Variants in LARGE1 observed in about 807,000 individuals in gnomAD.
LARGE1 encodes the protein LARGE xylosyl- and glucuronyltransferase 1, also known as xylosyl- and glucuronyltransferase LARGE1.
LARGE1 carries 43 observed loss-of-function variants against 87.6 expected under a neutral mutation model. The observed-to-expected ratio is 0.49, with a 90% confidence interval of 0.38 to 0.63. The LOEUF is 0.63. Among genes scored for constraint, LARGE1 ranks in the 30% least tolerant of loss-of-function variants. LARGE1 has a pLI of 0.00. For synonymous variants in LARGE1, 434 were observed against 394.6 expected, an observed-to-expected ratio of 1.10 and a Z score of -1.18; for missense variants, 802 against 1,000.2, an observed-to-expected ratio of 0.80 and a Z score of 2.67.
chr22:33,637,989 C>G (rs2080318494), intron 3 of LARGE1, among the ~76,000 whole-genome samples: 1 of 152,136 alleles, frequency 6.6e-6, no homozygotes, highest in Non-Finnish European at 1.5e-5. Flanking sequence ...CAGGTTCCTT[C>G]CAGCTATAAC....
intron 6 of LARGE1, among the ~76,000 whole-genome samples, chr22:33,543,585 T>G (rs2077272538): frequency 6.6e-6 from 1 of 152,232 alleles, no homozygotes; most frequent in Non-Finnish European, 1.5e-5. Context: ...GAAAACATTT[T>G]ATTTACTTAG....
downstream of LARGE1, among the ~76,000 whole-genome samples, chr22:33,270,886 A>G (rs991716538): frequency 1.1e-4 from 16 of 152,214 alleles, no homozygotes; most frequent in African/African-American, 3.9e-4. Flanking sequence ...ACATTCAGAG[A>G]GATCACTCTG....
rs772137666 is a variant in LARGE1, at chr22:33,761,398, T to C, written c.79A>G (p.Ile27Val). The change falls in exon 2 of 15, where the codon ATT (isoleucine) becomes GTT (valine). Residue 27 changes from isoleucine (I) to valine (V), a missense_variant. By Grantham distance (29) the Ile-to-Val change is conservative. Transcript: ENST00000397394. ...SLLCIPAITW[I>V]YLFSGSFEDG... ...TCGAAGCTCCCAGAAAACAGGTAAA[T>C]CCAGGTGATGGCTGGGATGCAGAGA... is the stretch of plus-strand genomic sequence containing the variant. The C allele has an allele frequency of 5.6e-6, 9 of 1,613,878 alleles. No individual in the cohort carries two copies. Among genetic ancestry groups the C allele is most frequent in the Non-Finnish European group, 7.6e-6 (9 of 1,179,996 alleles).
intron 3 of LARGE1, among the ~76,000 whole-genome samples, chr22:33,648,456 G>A (rs544157743): frequency 2.4e-4 from 37 of 152,052 alleles, no homozygotes; most frequent in Admixed American, 3.3e-4. Context: ...AAATTTGCTC[G>A]TTTTGGGCCA....
At chr22:33,479,114 C>T (rs1459839562) in intron 6 of LARGE1, among the ~76,000 whole-genome samples, 1 of 152,184 alleles carries the variant, frequency 6.6e-6, no homozygotes, top group Non-Finnish European at 1.5e-5. Context: ...TGCCAACTTC[C>T]TCTGTGGCCA....
chr22:33,855,035 C>T (rs2063717720), intron 1 of LARGE1, among the ~76,000 whole-genome samples: 1 of 152,084 alleles, frequency 6.6e-6, no homozygotes, highest in Admixed American at 6.5e-5. Flanking sequence ...GAGAAGGTGG[C>T]ATATAAAGTG....
chr22:33,174,820 T>C (rs548666237), intron 11 of LARGE1, among the ~76,000 whole-genome samples: 5 of 152,122 alleles, frequency 3.3e-5, no homozygotes, highest in Non-Finnish European at 7.3e-5. Flanking sequence ...AATAGACTAA[T>C]AGCAAGTTCT....
At chr22:33,443,943 C>T (rs946044242) in intron 6 of LARGE1, among the ~76,000 whole-genome samples, 9 of 152,266 alleles carry the variant, frequency 5.9e-5, no homozygotes, top group African/African-American at 2.2e-4. Flanking sequence ...CAGCTACAAC[C>T]TCCATCCATG....
chr22:33,444,087 T>C (rs931515505), intron 6 of LARGE1, among the ~76,000 whole-genome samples: 2 of 152,282 alleles, frequency 1.3e-5, no homozygotes, highest in African/African-American at 4.8e-5. Context: ...TTCTCCAGAA[T>C]GCTGCAAAGC....
chr22:33,339,353 GA>G (rs987229537), intron 9 of LARGE1, among the ~76,000 whole-genome samples: 1 of 151,740 alleles, frequency 6.6e-6, no homozygotes, highest in Non-Finnish European at 1.5e-5. Context: ...GGGGCGGAAA[GA>G]TATGGGGTCT....
At chr22:33,679,907 C>T (rs540738553) in intron 2 of LARGE1, among the ~76,000 whole-genome samples, 1 of 152,292 alleles carries the variant, frequency 6.6e-6, no homozygotes, top group African/African-American at 2.4e-5. Flanking sequence ...CAGATCCTTC[C>T]CTGGCATCTC....
chr22:33,316,586 G>T (rs1936187182), intron 10 of LARGE1, among the ~76,000 whole-genome samples: 1 of 151,792 alleles, frequency 6.6e-6, no homozygotes, highest in African/African-American at 2.4e-5. Flanking sequence ...ACTGAAAATA[G>T]AAAAATTAGC....
chr22:33,410,425 G>C (rs1224828663), intron 7 of LARGE1, among the ~76,000 whole-genome samples: 1 of 151,994 alleles, frequency 6.6e-6, no homozygotes, highest in Non-Finnish European at 1.5e-5. Context: ...GAATCATGGG[G>C]GCGGGGGGCG....
intron 5 of LARGE1, among the ~76,000 whole-genome samples, chr22:33,592,891 G>A (rs1370268364): frequency 2.6e-5 from 4 of 151,994 alleles, no homozygotes; most frequent in Admixed American, 1.3e-4. Flanking sequence ...CCAGGCTGGA[G>A]TGCAGTGGCG....
intron 11 of LARGE1, among the ~76,000 whole-genome samples, chr22:33,188,758 C>T (rs1182685491): frequency 1.3e-5 from 2 of 152,208 alleles, no homozygotes; most frequent in Admixed American, 6.5e-5. Context: ...CACACTCATA[C>T]TCTGAACTAC....
intron 6 of LARGE1, among the ~76,000 whole-genome samples, chr22:33,549,023 G>GA (rs1185388243): frequency 6.6e-6 from 1 of 152,148 alleles, no homozygotes; most frequent in Non-Finnish European, 1.5e-5. Context: ...GGTTATTAAT[G>GA]AAAAAAGTAT....
chr22:33,160,072 A>T (rs765603348), downstream of LARGE1, among the ~76,000 whole-genome samples: 1 of 152,202 alleles, frequency 6.6e-6, no homozygotes, highest in African/African-American at 2.4e-5. Flanking sequence ...AAGTTTTCAC[A>T]TAGGGGACAC....
chr22:33,179,225 A>G (rs1391299032), intron 11 of LARGE1, among the ~76,000 whole-genome samples: 1 of 152,198 alleles, frequency 6.6e-6, no homozygotes, highest in Non-Finnish European at 1.5e-5. Context: ...AGCAATCCAC[A>G]CATGCAGCTA....
At chr22:33,771,986 C>T (rs1037157943) in intron 1 of LARGE1, among the ~76,000 whole-genome samples, 3 of 152,200 alleles carry the variant, frequency 2.0e-5, no homozygotes, top group South Asian at 2.1e-4. Flanking sequence ...AAGCTACCAT[C>T]GCCCCATGCC....
Sources: allele counts gnomAD v4.1 joint callset (sites outside exome capture counted in the v4.1 genomes callset), GRCh38; gene constraint gnomAD v4.1.1; transcripts MANE v1.5; gene names NCBI Gene and HGNC (gene_info 2026-07-23, HGNC 2026-07-21).